Variants in LRRC57 observed in about 807,000 individuals in gnomAD.
The protein encoded by LRRC57 is leucine rich repeat containing 57.
In LRRC57, 14 loss-of-function variants were observed where a neutral mutation model predicts 23.1. The observed-to-expected ratio is 0.61, with a 90% CI of 0.40 to 0.95. The LOEUF is 0.95. LRRC57 is among the 40% of genes least tolerant of loss of function. The pLI, the probability that LRRC57 is intolerant of heterozygous loss-of-function variation, is 0.00. For synonymous variants in LRRC57, 106 were observed against 115.2 expected, an observed-to-expected ratio of 0.92 and a Z score of 0.51; for missense variants, 236 against 284.4, an observed-to-expected ratio of 0.83 and a Z score of 1.22.
chr15:42,541,516 G>A lies in LRRC57; in HGVS notation c.*2567C>T, dbSNP rs2057629169. 1 of 152,104 alleles carries A rather than the reference G, an allele frequency of 6.6e-6. No individual in the cohort carries two copies. Among genetic ancestry groups the A allele is most frequent in the Non-Finnish European group, 1.5e-5 (1 of 68,008 alleles). The allele number at this position is 152,104 out of a possible 1,614,324, so 9.4% of individuals were successfully genotyped here. A position where few individuals can be genotyped will look rare whatever the true frequency, so the allele number is the denominator to read the frequency against. The stretch of plus-strand genomic sequence containing the variant: ...TGTCTCAAAAAAGAAAGTAACATAT[G>A]GGAAAAAGAGAACACCTAGACCAGA... On this transcript the variant is annotated 3_prime_UTR_variant, in exon 6 of 6. Transcript: ENST00000397130.
the LRRC57 span, among the ~76,000 whole-genome samples, chr15:42,529,348 AC>A: frequency 6.6e-6 from 1 of 152,200 alleles, no homozygotes; most frequent in Non-Finnish European, 1.5e-5. Flanking sequence ...GGATGCACTT[AC>A]AGTTTCTGAT....
Position 42,539,272 on chromosome 15 carries a change from A to C in LRRC57, c.*4811T>G, listed in dbSNP as rs980407535. ...GGCAGGGGGATCACCTGAGGCCAGG[A>C]GTCTGAGATAAGCCTGGCTAACATA... On this transcript the variant is annotated 3_prime_UTR_variant, in exon 6 of 6. Transcript: ENST00000397130. 6.6e-6 allele frequency: 1 copy of C among 152,136 alleles called. No individual in the cohort carries two copies. Among genetic ancestry groups the C allele is most frequent in the Non-Finnish European group, 1.5e-5 (1 of 68,064 alleles). 9.4% of individuals were successfully genotyped at this position (152,136 alleles called of 1,614,324 possible).
At chr15:42,531,736 A>G in the LRRC57 span, 19 of 314,792 alleles carry the variant, frequency 6.0e-5, no homozygotes, top group Non-Finnish European at 9.8e-5. Flanking sequence ...TAGTGTTTTC[A>G]TCCTCCTCAT....
At chr15:42,544,687 G>A (rs750063812) in intron 5 of LRRC57, among the ~76,000 whole-genome samples, 2 of 151,248 alleles carry the variant, frequency 1.3e-5, no homozygotes, top group African/African-American at 4.9e-5. Flanking sequence ...ACTGGCACAC[G>A]ACTGTGATCC....
In LRRC57 at chr15:42,540,403, G is replaced by C. The variant is rs1247163487; in HGVS notation, c.*3680C>G. ...AATGAAGTTATGTGTAGGCATATTA[G>C]GTATTATAAGTAATCTAGAGATAAT... On this transcript the variant is annotated 3_prime_UTR_variant, in exon 6 of 6. Transcript: ENST00000397130. 1 of 152,040 alleles carries C rather than the reference G, an allele frequency of 6.6e-6. No individual in the cohort carries two copies. The highest frequency in any genetic ancestry group is 1.5e-5 in the Non-Finnish European group (1 of 68,024). The allele number at this position is 152,040 out of a possible 1,614,324, so 9.4% of individuals were successfully genotyped here. A position where few individuals can be genotyped will look rare whatever the true frequency, so the allele number is the denominator to read the frequency against.
intron 4 of LRRC57, chr15:42,545,526 C>T: frequency 4.0e-6 from 1 of 248,350 alleles, no homozygotes; most frequent in Non-Finnish European, 7.6e-6. Context: ...GATAAAAGCA[C>T]TGTATGTTCA....
Position 42,539,927 on chromosome 15 carries a change from G to A in LRRC57, c.*4156C>T, listed in dbSNP as rs72711765. On this transcript the variant is annotated 3_prime_UTR_variant, in exon 6 of 6. Transcript: ENST00000397130. ...AAGAGAGGGCAGGCTGGGCACGTTA[G>A]CTCACGCCTGCAATTCCCAGCATTT... 1,040 of 152,272 alleles carry A rather than the reference G, an allele frequency of 6.8e-3. 6 individuals are homozygous for A. The highest frequency in any genetic ancestry group is 0.011 in the Non-Finnish European group (727 of 68,042). 9.4% of individuals were successfully genotyped at this position (152,272 alleles called of 1,614,324 possible).
downstream of LRRC57, among the ~76,000 whole-genome samples, chr15:42,534,149 GAGA>G (rs771824997): frequency 2.0e-5 from 3 of 151,954 alleles, no homozygotes; most frequent in Admixed American, 6.6e-5. Context: ...TTGTTTTTTT[GAGA>G]AGGAGTCTTG....
At chr15:42,535,732 T>C (rs544454619), downstream of LRRC57, among the ~76,000 whole-genome samples, 1 of 152,274 alleles carries the variant, frequency 6.6e-6, no homozygotes, top group East Asian at 1.9e-4. Flanking sequence ...TCTTTTCACT[T>C]GAACTTAAAG....
chr15:42,548,547 C>A (rs1443616907), intron 1 of LRRC57, 91 bp from the exon 2 acceptor site: 8 of 1,047,724 alleles, frequency 7.6e-6, no homozygotes, highest in Non-Finnish European at 1.1e-5. Context: ...TCCCGCCGAT[C>A]CCTGGCTCCT....
chr15:42,537,231 TCTCA>T (rs1186332576), downstream of LRRC57, among the ~76,000 whole-genome samples: 1,395 of 132,122 alleles, frequency 0.011, 9 homozygotes, highest in Non-Finnish European at 0.015. Context: ...TCTCTCTCTC[TCTCA>T]CACACACACA....
chr15:42,547,745 C>A, intron 3 of LRRC57: 1 of 565,346 alleles, frequency 1.8e-6, no homozygotes, highest in Non-Finnish European at 3.1e-6. Context: ...GTATAATGGG[C>A]TCCTTTTGTA....
intron 4 of LRRC57, among the ~76,000 whole-genome samples, chr15:42,545,652 A>G (rs866317065): frequency 3.9e-5 from 6 of 152,200 alleles, no homozygotes; most frequent in South Asian, 2.1e-4. Context: ...TTATGTGTAC[A>G]TAGATACTGA....
intron 1 of LRRC57, 68 bp downstream of exon 1, chr15:42,548,625 C>T: frequency 1.6e-6 from 1 of 644,434 alleles, no homozygotes; most frequent in Non-Finnish European, 2.7e-6. Context: ...AGCCCTGCCG[C>T]CTTTGCAGCT....
At position 42,548,734 on chromosome 15, in the gene LRRC57, C is replaced by G; in HGVS notation, c.-64G>C. ...GCCGTAAGGCTCCGCAGGTGAAGAC[C>G]CAGGACCCGCAGTAGCCGGGATGCG... On this transcript the variant is annotated 5_prime_UTR_variant, in exon 1 of 6. Coordinates refer to ENST00000397130, the MANE Select transcript of LRRC57 (RefSeq NM_153260.3). 1.5e-6 allele frequency: 1 copy of G among 672,274 alleles called. No homozygotes were observed. Among genetic ancestry groups the G allele is most frequent in the Admixed American group, 2.9e-5 (1 of 34,714 alleles). The allele number at this position is 672,274 out of a possible 1,614,324, so 41.6% of individuals were successfully genotyped here.
At position 42,543,958 on chromosome 15, in the gene LRRC57, A is replaced by G; in HGVS notation, c.*125T>C. Reference sequence around the variant, plus strand: ...AGAAAAGATCATTGAGTGAAATATAATCTCCTGAAGTATCATCTCCTTACT... The same window carrying G: ...AGAAAAGATCATTGAGTGAAATATAGTCTCCTGAAGTATCATCTCCTTACT... On this transcript the variant is annotated 3_prime_UTR_variant, in exon 6 of 6. Coordinates refer to ENST00000397130, the MANE Select transcript of LRRC57 (RefSeq NM_153260.3). The G allele has an allele frequency of 4.9e-6, 3 of 615,394 alleles. No individual in the cohort carries two copies. Among genetic ancestry groups the G allele is most frequent in the Non-Finnish European group, 8.6e-6 (3 of 348,762 alleles). The allele number at this position is 615,394 out of a possible 1,614,324, so 38.1% of individuals were successfully genotyped here. A position where few individuals can be genotyped will look rare whatever the true frequency, so the allele number is the denominator to read the frequency against.
intron 3 of LRRC57, 71 bp from the exon 4 acceptor site, chr15:42,547,600 G>T: frequency 7.2e-7 from 1 of 1,387,166 alleles, no homozygotes; most frequent in South Asian, 1.3e-5. Flanking sequence ...AGTTTATAAA[G>T]ACTATATGGC....
At chr15:42,547,583 T>C (rs765211128) in intron 3 of LRRC57, 54 bp from the exon 4 acceptor site, 8 of 1,511,942 alleles carry the variant, frequency 5.3e-6, no homozygotes, top group Non-Finnish European at 6.3e-6. Context: ...GAAAACAACT[T>C]TGATGAAGTT....
chr15:42,543,950 G>A lies in LRRC57; in HGVS notation c.*133C>T. The stretch of plus-strand genomic sequence containing the variant: ...CTGAAATGAGAAAAGATCATTGAGT[G>A]AAATATAATCTCCTGAAGTATCATC... On this transcript the variant is annotated 3_prime_UTR_variant, in exon 6 of 6. Coordinates refer to ENST00000397130, the MANE Select transcript of LRRC57 (RefSeq NM_153260.3). 1 of 593,284 alleles carries A rather than the reference G, an allele frequency of 1.7e-6. No homozygotes were observed. The highest frequency in any genetic ancestry group is 3.0e-6 in the Non-Finnish European group (1 of 335,202). The allele number at this position is 593,284 out of a possible 1,614,324, so 36.8% of individuals were successfully genotyped here.
Sources: gnomAD v4.1 joint callset for allele counts (sites outside exome capture counted in the v4.1 genomes callset) on GRCh38, gnomAD v4.1.1 for gene constraint, MANE v1.5 for transcripts, NCBI Gene and HGNC (gene_info 2026-07-23, HGNC 2026-07-21) for gene names.